ARB2A: variants seen among roughly 807,000 people sequenced by gnomAD.
The protein encoded by ARB2A is ARB2 cotranscriptional regulator A, also known as cotranscriptional regulator ARB2A.
the ARB2A span, among the ~76,000 whole-genome samples, chr5:93,851,793 T>G: frequency 1.2e-3 from 179 of 152,320 alleles, no homozygotes; most frequent in African/African-American, 4.1e-3. Context: ...TCATCATTTT[T>G]TATGGCTGCA....
chr5:93,929,259 T>G, the ARB2A span, among the ~76,000 whole-genome samples: 1 of 152,128 alleles, frequency 6.6e-6, no homozygotes, highest in South Asian at 2.1e-4. Context: ...TCAGGGAATG[T>G]TTCAAGAGGT....
At chr5:93,765,274 G>A in the ARB2A span, among the ~76,000 whole-genome samples, 4 of 152,076 alleles carry the variant, frequency 2.6e-5, no homozygotes, top group South Asian at 2.1e-4. Context: ...TGCAGACGAC[G>A]TGATTGTATA....
chr5:94,032,134 C>T, the ARB2A span, among the ~76,000 whole-genome samples: 3 of 152,148 alleles, frequency 2.0e-5, no homozygotes, highest in Admixed American at 2.0e-4. Flanking sequence ...TACAAAGCTG[C>T]CACCTTCAAG....
the ARB2A span, among the ~76,000 whole-genome samples, chr5:93,901,431 T>G: frequency 6.6e-6 from 1 of 152,154 alleles, no homozygotes; most frequent in Admixed American, 6.6e-5. Flanking sequence ...TGAAAATCAG[T>G]GTATGACCTA....
At chr5:93,714,794 T>C in the ARB2A span, among the ~76,000 whole-genome samples, 1 of 152,226 alleles carries the variant, frequency 6.6e-6, no homozygotes, top group African/African-American at 2.4e-5. Flanking sequence ...AATATTCCTA[T>C]TGGAGCTTTC....
At chr5:94,030,011 G>C in the ARB2A span, among the ~76,000 whole-genome samples, 1 of 151,872 alleles carries the variant, frequency 6.6e-6, no homozygotes. Context: ...TTTGTGCAGG[G>C]AAACTCCTCT....
chr5:93,914,212 T>A, the ARB2A span, among the ~76,000 whole-genome samples: 1 of 152,036 alleles, frequency 6.6e-6, no homozygotes, highest in South Asian at 2.1e-4. Context: ...TAGTAACACT[T>A]TGAATTCTGT....
the ARB2A span, among the ~76,000 whole-genome samples, chr5:94,011,206 C>T: frequency 2.6e-5 from 4 of 152,080 alleles, no homozygotes; most frequent in Non-Finnish European, 5.9e-5. Context: ...GCTTTTTGGT[C>T]CCCATTGCTG....
At chr5:93,848,100 T>C in the ARB2A span, among the ~76,000 whole-genome samples, 1 of 152,178 alleles carries the variant, frequency 6.6e-6, no homozygotes, top group African/African-American at 2.4e-5. Flanking sequence ...AAAAGAGAGA[T>C]GGTGCCAGGT....
the ARB2A span, among the ~76,000 whole-genome samples, chr5:93,695,627 C>T: frequency 3.3e-5 from 5 of 152,134 alleles, no homozygotes; most frequent in African/African-American, 1.2e-4. Flanking sequence ...GACAGTGTGG[C>T]AATTCCTCAA....
At chr5:93,964,133 T>C in the ARB2A span, among the ~76,000 whole-genome samples, 1 of 152,040 alleles carries the variant, frequency 6.6e-6, no homozygotes, top group Non-Finnish European at 1.5e-5. Context: ...ACTGGTTTAC[T>C]ACAAATAAAT....
At chr5:94,086,864 T>C in the ARB2A span, among the ~76,000 whole-genome samples, 4 of 152,286 alleles carry the variant, frequency 2.6e-5, no homozygotes, top group African/African-American at 9.6e-5. Context: ...GTGACTATGT[T>C]TTTACTACAC....
At chr5:93,869,747 C>A in the ARB2A span, among the ~76,000 whole-genome samples, 1 of 152,102 alleles carries the variant, frequency 6.6e-6, no homozygotes. Context: ...TGTAATCTCC[C>A]CCACCATAAG....
chr5:94,107,706 A>C, the ARB2A span, among the ~76,000 whole-genome samples: 1 of 152,232 alleles, frequency 6.6e-6, no homozygotes, highest in African/African-American at 2.4e-5. Context: ...AATAGAAATT[A>C]TGTGGCACAT....
the ARB2A span, among the ~76,000 whole-genome samples, chr5:93,950,859 A>C: frequency 1.3e-5 from 2 of 150,390 alleles, no homozygotes; most frequent in African/African-American, 2.5e-5. Context: ...CAGAAGAATC[A>C]CTTGAACCCA....
At chr5:93,741,269 C>A in the ARB2A span, 13 of 1,613,716 alleles carry the variant, frequency 8.1e-6, no homozygotes, top group Non-Finnish European at 1.1e-5. Context: ...CCCGGGAGGG[C>A]GCCTTCGGAG....
chr5:93,866,316 C>T, the ARB2A span: 1 of 976,752 alleles, frequency 1.0e-6, no homozygotes, highest in Non-Finnish European at 1.2e-6. Flanking sequence ...AATTTATATT[C>T]TTCCCCTTAG....
chr5:93,873,996 T>C, the ARB2A span, among the ~76,000 whole-genome samples: 1 of 152,148 alleles, frequency 6.6e-6, no homozygotes, highest in Non-Finnish European at 1.5e-5. Context: ...AAAATTCATT[T>C]TCGGGGGAAT....
the ARB2A span, among the ~76,000 whole-genome samples, chr5:93,654,247 T>C: frequency 6.6e-6 from 1 of 152,174 alleles, no homozygotes; most frequent in East Asian, 1.9e-4. Flanking sequence ...GAGTTTATGG[T>C]GACCATAAGC....
Sources: allele counts gnomAD v4.1 joint callset (sites outside exome capture counted in the v4.1 genomes callset), GRCh38; gene constraint gnomAD v4.1.1; transcripts MANE v1.5; gene names NCBI Gene and HGNC (gene_info 2026-07-23, HGNC 2026-07-21).